The following MARK4 variants were observed in gnomAD, a reference collection of about 807,000 sequenced individuals.
MARK4 encodes the protein MAP/microtubule affinity-regulating kinase 4.
MARK4 carries 19 observed loss-of-function variants against 81.5 expected under a neutral mutation model. The ratio of observed to expected loss-of-function variants is 0.23; its 90% CI spans 0.16 to 0.34. MARK4 has a LOEUF of 0.34. Ranked by LOEUF, MARK4 falls within the 10% of genes least tolerant of loss-of-function variation. The probability of loss-of-function intolerance (pLI) is 1.00; values close to 1 mark genes in which losing one functional copy is unlikely to be tolerated. For synonymous variants in MARK4, 436 were observed against 439.0 expected, an observed-to-expected ratio of 0.99 and a Z score of 0.08; for missense variants, 772 against 1,058.8, an observed-to-expected ratio of 0.73 and a Z score of 3.76.
intron 8 of MARK4, among the ~76,000 whole-genome samples, chr19:45,273,285 C>T (rs1157638700): frequency 6.6e-6 from 1 of 152,200 alleles, no homozygotes; most frequent in Non-Finnish European, 1.5e-5. Context: ...TGTATTTGCA[C>T]ATGATCTTTG....
intron 12 of MARK4, 46 bp downstream of exon 12, chr19:45,280,780 G>A (rs1409289716): frequency 2.5e-6 from 4 of 1,604,476 alleles, no homozygotes; most frequent in African/African-American, 1.3e-5. Context: ...TCTCCCCAAG[G>A]CCCAGACTTA....
chr19:45,285,802 CT>C (rs1390040364), intron 12 of MARK4, among the ~76,000 whole-genome samples: 1 of 152,154 alleles, frequency 6.6e-6, no homozygotes, highest in Non-Finnish European at 1.5e-5. Context: ...TGTATCGCTC[CT>C]GAGGATGTAA....
At chr19:45,287,903 C>T (rs1358533694) in intron 13 of MARK4, 1 of 588,748 alleles carries the variant, frequency 1.7e-6, no homozygotes, top group East Asian at 2.9e-5. Context: ...AGAACGTACT[C>T]TTGGCAGAAA....
chr19:45,272,496 T>C (rs1028666306), intron 8 of MARK4, among the ~76,000 whole-genome samples: 1 of 152,042 alleles, frequency 6.6e-6, no homozygotes, highest in African/African-American at 2.4e-5. Context: ...AGACAGAAAG[T>C]GGATTACTGG....
intron 1 of MARK4, among the ~76,000 whole-genome samples, chr19:45,253,429 C>G (rs1423410908): frequency 1.3e-5 from 2 of 152,162 alleles, no homozygotes; most frequent in East Asian, 3.8e-4. Context: ...CTCAGACAAC[C>G]AGTTCTCCCT....
At chr19:45,297,976 G>GGGGC (rs1452882314) in intron 15 of MARK4, 22 bp downstream of exon 15, 2 of 1,551,226 alleles carry the variant, frequency 1.3e-6, no homozygotes, top group African/African-American at 1.4e-5. Flanking sequence ...GGGGATGGCA[G>GGGGC]GGGCAGGGCG....
intron 9 of MARK4, 42 bp downstream of exon 9, chr19:45,278,084 C>T (rs1252777607): frequency 6.2e-7 from 1 of 1,608,546 alleles, no homozygotes; most frequent in East Asian, 2.2e-5. Context: ...TTCTAGTCTC[C>T]TGACTCCCCT....
At position 45,297,677 on chromosome 19, in the gene MARK4, T is replaced by C. The variant is rs760846965; in HGVS notation, c.1600T>C (p.Ser534Pro). The change falls in exon 15 of 17, where the codon TCA (serine) becomes CCA (proline). Residue 534 changes from serine (S) to proline (P), a missense_variant and splice_region_variant. Coordinates refer to ENST00000262891, the MANE Select transcript of MARK4 (RefSeq NM_001199867.2). The part of the protein sequence containing the change: ...SLLPNGKENS[S>P]GTPRVPPASP... ...TGACTTGTCTGTCTCTGCCCACAGC[T>C]CAGGCACCCCACGGGTGCCCCCTGC... 9 of 1,519,772 alleles carry C rather than the reference T, an allele frequency of 5.9e-6. No individual in the cohort carries two copies. The highest frequency in any genetic ancestry group is 7.9e-6 in the Non-Finnish European group (9 of 1,140,510). 94.1% of individuals were successfully genotyped at this position (1,519,772 alleles called of 1,614,324 possible). A position where few individuals can be genotyped will look rare whatever the true frequency, so the allele number is the denominator to read the frequency against.
At chr19:45,259,853 G>A (rs1389433741) in intron 2 of MARK4, among the ~76,000 whole-genome samples, 3 of 152,108 alleles carry the variant, frequency 2.0e-5, no homozygotes, top group Non-Finnish European at 2.9e-5. Context: ...TTGGGAAGCT[G>A]AGGCAGGTGG....
rs531764514 is a variant in MARK4 at position 45,268,995 on chromosome 19, C to T, written c.550-2477C>T. ...AAGCAGCTAACACGAGTTTTGGGGT[C>T]GTATTAGTACACCAGGGGTACCAAC... On this transcript the variant is annotated intron_variant, in intron 7 of 16. Coordinates refer to ENST00000262891, the MANE Select transcript of MARK4 (RefSeq NM_001199867.2). Among the ~76,000 whole-genome samples the T allele has an allele frequency of 2.5e-4, 38 of 152,112 alleles. No homozygotes were observed. In the South Asian group the frequency reaches 3.7e-3, roughly 15 times the overall value.
chr19:45,300,951 A>G (rs1970962653), intron 16 of MARK4, among the ~76,000 whole-genome samples: 1 of 151,832 alleles, frequency 6.6e-6, no homozygotes, highest in Non-Finnish European at 1.5e-5. Context: ...GGAACAAGGG[A>G]GGCTAGTCCT....
intron 6 of MARK4, among the ~76,000 whole-genome samples, chr19:45,265,572 A>C (rs1250666192): frequency 6.8e-6 from 1 of 146,832 alleles, no homozygotes; most frequent in Non-Finnish European, 1.5e-5. Flanking sequence ...GAAGAAGTGC[A>C]GGTATAAGGG....
At chr19:45,298,756 A>G (rs1456163162) in intron 15 of MARK4, among the ~76,000 whole-genome samples, 7 of 152,116 alleles carry the variant, frequency 4.6e-5, no homozygotes, top group Non-Finnish European at 8.8e-5. Context: ...ATAGACTGCT[A>G]GGTAGTGCGA....
chr19:45,274,179 GTGGAGCT>G (rs1970569285), intron 8 of MARK4, among the ~76,000 whole-genome samples: 1 of 152,146 alleles, frequency 6.6e-6, no homozygotes, highest in African/African-American at 2.4e-5. Flanking sequence ...AACCTGGGAG[GTGGAGCT>G]TGGAGTGAGC....
chr19:45,288,745 G>A (rs1038404608), intron 13 of MARK4, among the ~76,000 whole-genome samples: 1 of 151,640 alleles, frequency 6.6e-6, no homozygotes, highest in African/African-American at 2.4e-5. Flanking sequence ...AGCTACTCTG[G>A]AGGGTGAGGC....
chr19:45,281,417 G>C (rs1367102951), intron 12 of MARK4, among the ~76,000 whole-genome samples: 2 of 149,328 alleles, frequency 1.3e-5, no homozygotes, highest in East Asian at 3.9e-4. Flanking sequence ...CTGGAGTGCA[G>C]TGTCGTGATC....
intron 8 of MARK4, among the ~76,000 whole-genome samples, chr19:45,277,710 C>T (rs1263083719): frequency 6.6e-6 from 1 of 151,814 alleles, no homozygotes; most frequent in African/African-American, 2.4e-5. Flanking sequence ...ATGATGTTCC[C>T]ATTTTATGGA....
chr19:45,252,576 C>T (rs950137366), intron 1 of MARK4, among the ~76,000 whole-genome samples: 1 of 152,036 alleles, frequency 6.6e-6, no homozygotes, highest in African/African-American at 2.4e-5. Flanking sequence ...AGGGCCTCCC[C>T]CTTCCTTGCT....
At chr19:45,252,084 G>C (rs1398381238) in intron 1 of MARK4, among the ~76,000 whole-genome samples, 1 of 151,836 alleles carries the variant, frequency 6.6e-6, no homozygotes, top group Non-Finnish European at 1.5e-5. Flanking sequence ...TCTGGCTCCG[G>C]CCTTCCCTGT....
Sources: gnomAD v4.1 joint callset for allele counts (sites outside exome capture counted in the v4.1 genomes callset) on GRCh38, gnomAD v4.1.1 for gene constraint, MANE v1.5 for transcripts, NCBI Gene and HGNC (gene_info 2026-07-23, HGNC 2026-07-21) for gene names.